CD99L2: variants seen among roughly 807,000 people sequenced by gnomAD.
CD99L2 encodes CD99 molecule like 2.
In CD99L2, 24 loss-of-function variants were observed where a neutral mutation model predicts 27.3. That is an observed-to-expected ratio of 0.88 (90% CI 0.64 to 1.24). The LOEUF (loss-of-function observed/expected upper bound fraction) is 1.24. CD99L2 is among the 50% of genes most tolerant of loss of function. The pLI, the probability that CD99L2 is intolerant of heterozygous loss-of-function variation, is 0.00. For missense variants in CD99L2, 255 were observed against 221.6 expected (o/e 1.15, Z -0.96); for synonymous variants, 97 against 87.9 (o/e 1.10, Z -0.58).
chrX:150,769,262 G>A (rs935196570), intron 10 of CD99L2, among the ~76,000 whole-genome samples, 161 bp from the exon 11 acceptor site: 3 of 112,322 alleles, frequency 2.7e-5, no homozygotes, highest in Non-Finnish European at 5.6e-5. Context: ...GCAGTTTTGG[G>A]CCGGTCAAGG....
At chrX:150,855,321 A>G (rs2046860689) in intron 1 of CD99L2, among the ~76,000 whole-genome samples, 1 of 111,839 alleles carries the variant, frequency 8.9e-6, no homozygotes, top group East Asian at 2.8e-4. Context: ...GAACTACCTG[A>G]GACTACATAA....
intron 7 of CD99L2, among the ~76,000 whole-genome samples, chrX:150,783,804 T>C (rs1557419485): frequency 1.8e-5 from 2 of 111,555 alleles, no homozygotes; most frequent in Non-Finnish European, 3.8e-5. Context: ...GCAAAGCAAG[T>C]TCCACCTTTA....
At chrX:150,802,428 G>C (rs1176967048) in intron 4 of CD99L2, among the ~76,000 whole-genome samples, 1 of 108,282 alleles carries the variant, frequency 9.2e-6, no homozygotes, top group African/African-American at 3.3e-5. Context: ...GCCAGGTATG[G>C]TGGTATGTGC....
chrX:150,896,996 C>A (rs1218751728), intron 1 of CD99L2, among the ~76,000 whole-genome samples: 2 of 112,346 alleles, frequency 1.8e-5, no homozygotes, highest in African/African-American at 6.5e-5. Flanking sequence ...ACCTTCTCAA[C>A]GGGCACACCA....
chrX:150,877,959 T>TACACACACACACACACACACACACAC (rs72172934), intron 1 of CD99L2, among the ~76,000 whole-genome samples: 1 of 83,077 alleles, frequency 1.2e-5, no homozygotes, highest in African/African-American at 4.7e-5. Flanking sequence ...CTCAAACACA[T>TACACACACACACACACACACACACAC]ACACACACAC....
At chrX:150,850,832 TTC>T (rs2046779838) in intron 1 of CD99L2, among the ~76,000 whole-genome samples, 2 of 110,717 alleles carry the variant, frequency 1.8e-5, no homozygotes, top group Admixed American at 1.9e-4. Context: ...GTACTTTTTT[TTC>T]TTTCTTTTTT....
intron 4 of CD99L2, among the ~76,000 whole-genome samples, chrX:150,803,783 A>G (rs1022192895): frequency 8.9e-6 from 1 of 112,260 alleles, no homozygotes; most frequent in African/African-American, 3.2e-5. Flanking sequence ...ATGGATGATC[A>G]TCTTTACTTA....
intron 1 of CD99L2, among the ~76,000 whole-genome samples, chrX:150,842,701 C>A (rs1275607175): frequency 3.6e-5 from 4 of 112,128 alleles, no homozygotes; most frequent in Non-Finnish European, 7.5e-5. Context: ...CACATGTGGC[C>A]GTTTAAATTA....
intron 9 of CD99L2, chrX:150,771,934 A>G (rs1757563091): frequency 4.5e-6 from 4 of 883,753 alleles, no homozygotes; most frequent in Admixed American, 2.7e-5. Context: ...GGTCCCCAGC[A>G]TGGGCCTTTT....
In CD99L2 at chrX:150,846,068, C is replaced by T. The variant is rs182395837; in HGVS notation, c.68-14775G>A. On this transcript the variant is annotated intron_variant, in intron 1 of 10. Coordinates refer to ENST00000370377, the MANE Select transcript of CD99L2 (RefSeq NM_031462.4). ...TGAGCCAGGCATGGTGGCATATGCC[C>T]GTAATCCCAGCTACTTGGGAGGCTA... Among the ~76,000 whole-genome samples, 295 of 111,572 alleles carry T rather than the reference C, an allele frequency of 2.6e-3. 3 individuals are homozygous for T. Among genetic ancestry groups the T allele is most frequent in the African/African-American group, 8.6e-3 (265 of 30,761 alleles).
intron 2 of CD99L2, among the ~76,000 whole-genome samples, chrX:150,823,813 C>T (rs1459717168): frequency 2.7e-5 from 3 of 109,872 alleles, no homozygotes; most frequent in Non-Finnish European, 5.7e-5. Flanking sequence ...CCATGATAAC[C>T]TACTAATCCA....
Position 150,768,740 on chromosome X carries a change from TCAG to T in CD99L2, c.*291_*293del, listed in dbSNP as rs1557418812. 5.5e-6 allele frequency: 2 copies of T among 366,396 alleles called. No homozygotes were observed. The highest frequency in any genetic ancestry group is 4.3e-6 in the Non-Finnish European group (1 of 230,349). The allele number at this position is 366,396 out of a possible 1,213,427, so 30.2% of individuals were successfully genotyped here. On this transcript the variant is annotated 3_prime_UTR_variant, in exon 11 of 11. Coordinates refer to ENST00000370377, the MANE Select transcript of CD99L2 (RefSeq NM_031462.4). ...TCATCTTGGCCCCCGCATCCTGTGC[TCAG>T]TAAAGCTGGAGGCAGGCTGGCTTTG...
At chrX:150,829,709 A>G (rs1194594042) in intron 2 of CD99L2, 1 of 221,324 alleles carries the variant, frequency 4.5e-6, no homozygotes, top group African/African-American at 3.0e-5. Flanking sequence ...AAGACCAAAC[A>G]ATTTCTATCT....
intron 7 of CD99L2, among the ~76,000 whole-genome samples, chrX:150,791,236 TA>T (rs2045682598): frequency 1.8e-5 from 2 of 112,126 alleles, no homozygotes; most frequent in African/African-American, 6.5e-5. Flanking sequence ...TGGGTTAGTA[TA>T]TATACATATA....
chrX:150,894,155 T>C (rs1333245960), intron 1 of CD99L2, among the ~76,000 whole-genome samples: 1 of 111,784 alleles, frequency 8.9e-6, no homozygotes, highest in African/African-American at 3.2e-5. Context: ...ACACTCCCCA[T>C]CCCCCTTCAT....
At chrX:150,796,187 G>A (rs998641230) in intron 4 of CD99L2, among the ~76,000 whole-genome samples, 2 of 112,263 alleles carry the variant, frequency 1.8e-5, no homozygotes, top group Admixed American at 9.4e-5. Flanking sequence ...GAGAAACAGC[G>A]ATGTATCTGG....
chrX:150,804,219 C>T (rs1557420170), intron 4 of CD99L2, among the ~76,000 whole-genome samples: 2 of 112,055 alleles, frequency 1.8e-5, no homozygotes, highest in South Asian at 3.7e-4. Flanking sequence ...GTCTTTTCCA[C>T]CCACAATGGT....
At chrX:150,793,337 C>A (rs1020796678) in intron 7 of CD99L2, among the ~76,000 whole-genome samples, 1 of 112,538 alleles carries the variant, frequency 8.9e-6, no homozygotes, top group Non-Finnish European at 1.9e-5. Context: ...TCCTCCCATC[C>A]CAAGAGTGAG....
chrX:150,768,876 C>G lies in CD99L2; in HGVS notation c.*158G>C, dbSNP rs1557418825. 2 of 1,028,946 alleles carry G rather than the reference C, an allele frequency of 1.9e-6. No homozygotes were observed. The highest frequency in any genetic ancestry group is 2.0e-5 in the African/African-American group (1 of 50,157). 84.8% of individuals were successfully genotyped at this position (1,028,946 alleles called of 1,213,427 possible). ...CACGCTTGGGGCAGGGCAGAGAAACCAAACTCACAAACACCCAGAGCTCAT... is the reference window on the plus strand; with the variant it reads ...CACGCTTGGGGCAGGGCAGAGAAACGAAACTCACAAACACCCAGAGCTCAT... On this transcript the variant is annotated 3_prime_UTR_variant, in exon 11 of 11. Coordinates refer to ENST00000370377, the MANE Select transcript of CD99L2 (RefSeq NM_031462.4).
Sources: gnomAD v4.1 joint callset for allele counts (sites outside exome capture counted in the v4.1 genomes callset) on GRCh38, gnomAD v4.1.1 for gene constraint, MANE v1.5 for transcripts, NCBI Gene and HGNC (gene_info 2026-07-23, HGNC 2026-07-21) for gene names.